The following IFIT1B variants were observed in gnomAD, a reference collection of about 807,000 sequenced individuals.
IFIT1B encodes the protein protein IFIT1 homolog B.
Under a neutral mutation model 2.5 loss-of-function variants are expected in IFIT1B, and 3 were observed. The ratio of observed to expected loss-of-function variants is 1.21; its 90% CI spans 0.55 to 3.14. The LOEUF is 3.14. Among genes scored for constraint, IFIT1B ranks in the 30% most tolerant of loss-of-function variants. The pLI is 0.03. For synonymous variants in IFIT1B, 196 were observed against 203.0 expected (o/e 0.97, Z 0.29); for missense variants, 545 against 556.5 (o/e 0.98, Z 0.21).
chr10:89,384,813 T>G lies in IFIT1B; in HGVS notation c.*75T>G. The G allele has an allele frequency of 7.7e-7, 1 of 1,306,960 alleles. No individual in the cohort carries two copies. The highest frequency in any genetic ancestry group is 1.4e-5 in the South Asian group (1 of 69,164). The allele number at this position is 1,306,960 out of a possible 1,614,324, so 81.0% of individuals were successfully genotyped here. On this transcript the variant is annotated 3_prime_UTR_variant, in exon 2 of 2. Coordinates refer to ENST00000371809, the MANE Select transcript of IFIT1B (RefSeq NM_001010987.2). ...ACTATGAAATTAAATAATGCAAACT[T>G]AAAGCTGTTGGAAATTTACCTTATT...
intron 1 of IFIT1B, among the ~76,000 whole-genome samples, chr10:89,380,697 T>C (rs1224841130): frequency 3.3e-5 from 5 of 152,144 alleles, no homozygotes; most frequent in Non-Finnish European, 5.9e-5. Context: ...ACTCTCAAAG[T>C]GTTGGGATTA....
intron 1 of IFIT1B, among the ~76,000 whole-genome samples, chr10:89,378,364 T>C (rs1282167554): frequency 6.6e-6 from 1 of 152,144 alleles, no homozygotes; most frequent in Non-Finnish European, 1.5e-5. Flanking sequence ...GAAATGGTGC[T>C]TGTTGGTTGC....
chr10:89,381,254 C>G (rs1844160712), intron 1 of IFIT1B, among the ~76,000 whole-genome samples: 1 of 152,176 alleles, frequency 6.6e-6, no homozygotes, highest in Admixed American at 6.5e-5. Context: ...CTCATCATAG[C>G]ACAAGCTCCA....
At chr10:89,381,753 C>T (rs1003560156) in intron 1 of IFIT1B, among the ~76,000 whole-genome samples, 1 of 151,918 alleles carries the variant, frequency 6.6e-6, no homozygotes, top group African/African-American at 2.4e-5. Context: ...TGAATCCTTT[C>T]CTTTCTTCCT....
chr10:89,379,637 T>C (rs535142014), intron 1 of IFIT1B, among the ~76,000 whole-genome samples: 1 of 152,234 alleles, frequency 6.6e-6, no homozygotes, highest in African/African-American at 2.4e-5. Context: ...CTAGCAAACA[T>C]GTAGACCTGT....
In IFIT1B at chr10:89,383,586, T is replaced by C; in HGVS notation, c.273T>C (p.Asp91=). The C allele has an allele frequency of 6.2e-7, 1 of 1,614,132 alleles. No individual in the cohort carries two copies. The highest frequency in any genetic ancestry group is 8.5e-7 in the Non-Finnish European group (1 of 1,180,024). ...LIQKEHANQA[D]IRSLVTWGNF... ...AGAAAGAACATGCCAACCAAGCAGA[T>C]ATTAGAAGTCTGGTGACCTGGGGCA... Residue 91 remains aspartate, a synonymous_variant, in exon 2 of 2, where the codon GAT becomes GAC. Coordinates refer to ENST00000371809, the MANE Select transcript of IFIT1B (RefSeq NM_001010987.2).
chr10:89,378,470 T>C (rs1844138489), intron 1 of IFIT1B, among the ~76,000 whole-genome samples: 1 of 152,076 alleles, frequency 6.6e-6, no homozygotes, highest in African/African-American at 2.4e-5. Flanking sequence ...CCAAGGAGAC[T>C]CTAAGCTATA....
Position 89,384,040 on chromosome 10 carries a change from GCT to G in IFIT1B, c.730_731del (p.Leu244AspfsTer25). ...EAEGEKYIEEALTSISSQAYV... is the reference protein window; with the variant it reads ...EAEGEKYIEEXLTSISSQAYV... ...TGAAGGAGAAAAGTACATTGAAGAA[GCT>G]CTGACCAGTATATCTTCACAGGCCT... On this transcript the variant is annotated frameshift_variant, in exon 2 of 2. Transcript: ENST00000371809. LOFTEE classifies it low-confidence loss of function (END_TRUNC). 1 of 1,614,176 alleles carries G rather than the reference GCT, an allele frequency of 6.2e-7. No individual in the cohort carries two copies. The highest frequency in any genetic ancestry group is 8.5e-7 in the Non-Finnish European group (1 of 1,180,038).
chr10:89,384,727 C>G lies in IFIT1B; in HGVS notation c.1414C>G (p.Pro472Ala), dbSNP rs779475435. 1.2e-6 allele frequency: 2 copies of G among 1,605,900 alleles called. No homozygotes were observed. The highest frequency in any genetic ancestry group is 2.2e-5 in the East Asian group (1 of 44,800). ...TCTGAGGCTGGCTGCTGACCTGAAC[C>G]CTATATTTTAACATAGAGGTCACCA... Reference protein sequence around the residue: ...RALRLAADLNPIF With the variant: ...RALRLAADLNAIF The change falls in exon 2 of 2, where the codon CCT (proline) becomes GCT (alanine). Residue 472 changes from proline (P) to alanine (A), a missense_variant. Physicochemically the swap from Pro to Ala is conservative, Grantham distance 27. Coordinates refer to ENST00000371809, the MANE Select transcript of IFIT1B (RefSeq NM_001010987.2).
intron 1 of IFIT1B, among the ~76,000 whole-genome samples, chr10:89,382,722 C>A (rs1844172785): frequency 6.6e-6 from 1 of 152,190 alleles, no homozygotes; most frequent in Non-Finnish European, 1.5e-5. Context: ...ACTTGGAACC[C>A]CTCCATTTAG....
chr10:89,383,125 T>C (rs764907356), intron 1 of IFIT1B, among the ~76,000 whole-genome samples, 194 bp from the exon 2 acceptor site: 3 of 152,218 alleles, frequency 2.0e-5, no homozygotes, highest in Non-Finnish European at 4.4e-5. Flanking sequence ...TACAAGATGA[T>C]TAGCATTTCC....
chr10:89,384,308 C>A lies in IFIT1B; in HGVS notation c.995C>A (p.Thr332Asn). 6.2e-7 allele frequency: 1 copy of A among 1,614,184 alleles called. No homozygotes were observed. The highest frequency in any genetic ancestry group is 8.5e-7 in the Non-Finnish European group (1 of 1,180,038). The change falls in exon 2 of 2, where the codon ACT (threonine) becomes AAT (asparagine). Residue 332 changes from threonine (T) to asparagine (N), a missense_variant. Coordinates refer to ENST00000371809, the MANE Select transcript of IFIT1B (RefSeq NM_001010987.2). ...TTGGCTATATGCAAATTTGAAAAGA[C>A]TATAATGTTAAAGCGAACATTTGAG... ...VQLAICKFEK[T>N]IMLKRTFEMA...
rs374200876 is a variant in IFIT1B, at chr10:89,384,106, G to A, written c.793G>A (p.Gly265Arg). ...TGCAGCCAAGTTTTATCGAAGAAAA[G>A]GGTCTGTGGATAAAGCTCTTGAGCT... ...QYAAKFYRRK[G>R]SVDKALELLK... Residue 265 changes from glycine to arginine, a missense_variant, in exon 2 of 2, where the codon GGG (glycine) becomes AGG (arginine). Physicochemically the swap from Gly to Arg is moderately radical, Grantham distance 125. Transcript: ENST00000371809. 1 of 1,614,168 alleles carries A rather than the reference G, an allele frequency of 6.2e-7. No individual in the cohort carries two copies. The highest frequency in any genetic ancestry group is 8.5e-7 in the Non-Finnish European group (1 of 1,180,030).
rs548077924 is a variant in IFIT1B at position 89,385,074 on chromosome 10, C to T, written c.*336C>T. On this transcript the variant is annotated 3_prime_UTR_variant, in exon 2 of 2. Transcript: ENST00000371809. ...ACCTTATGTGGAAAATGCTGCAACC[C>T]TGTTTACTGCCTATGTAAGTGAAAT... The T allele has an allele frequency of 3.0e-5, 6 of 199,896 alleles. No individual in the cohort carries two copies. In the South Asian group the frequency reaches 5.3e-4, roughly 18 times the overall value. 12.4% of individuals were successfully genotyped at this position (199,896 alleles called of 1,614,324 possible).
chr10:89,378,077 G>GA lies in IFIT1B; in HGVS notation c.-57dup. 1 of 1,597,326 alleles carries GA rather than the reference G, an allele frequency of 6.3e-7. No homozygotes were observed. The highest frequency in any genetic ancestry group is 1.1e-5 in the South Asian group (1 of 90,404). On this transcript the variant is annotated 5_prime_UTR_variant, in exon 1 of 2. An upstream open reading frame in the 5' UTR gains an earlier in-frame stop. Transcript: ENST00000371809. The stretch of plus-strand genomic sequence containing the variant: ...CCCTAGAACTCTGTGGATGAACCTT[G>GA]AAGGAGCCTCCAAGCCTGAACCAAA...
In IFIT1B at chr10:89,384,177, T is replaced by C; in HGVS notation, c.864T>C (p.His288=). 1 of 1,614,188 alleles carries C rather than the reference T, an allele frequency of 6.2e-7. No individual in the cohort carries two copies. Among genetic ancestry groups the C allele is most frequent in the East Asian group, 2.2e-5 (1 of 44,888 alleles). Residue 288 remains histidine (H), a synonymous_variant, in exon 2 of 2, where the codon CAT becomes CAC. Transcript: ENST00000371809. ...CAACACCCACTTCTGCCTTCCTGCA[T>C]CACCAAATGGGGCTTTGCTACAGGG... ...LETTPTSAFL[H]HQMGLCYRAQ...
chr10:89,378,107 T>A lies in IFIT1B; in HGVS notation c.-29T>A, dbSNP rs764439066. On this transcript the variant is annotated 5_prime_UTR_variant, in exon 1 of 2. Coordinates refer to ENST00000371809, the MANE Select transcript of IFIT1B (RefSeq NM_001010987.2). The stretch of plus-strand genomic sequence containing the variant: ...AGCCTCCAAGCCTGAACCAAAGCAC[T>A]ACAGATCACCTGCTATCTTCATAGC... 2.5e-6 allele frequency: 4 copies of A among 1,613,738 alleles called. No individual in the cohort carries two copies. Among genetic ancestry groups the A allele is most frequent in the Non-Finnish European group, 3.4e-6 (4 of 1,179,642 alleles).
intron 1 of IFIT1B, among the ~76,000 whole-genome samples, chr10:89,380,387 GC>G (rs1844154139): frequency 2.6e-5 from 4 of 151,954 alleles, no homozygotes; most frequent in Admixed American, 2.6e-4. Flanking sequence ...GTCCCTGTCT[GC>G]CACAGGCATA....
intron 1 of IFIT1B, among the ~76,000 whole-genome samples, chr10:89,380,000 A>T (rs1844150785): frequency 6.6e-6 from 1 of 150,748 alleles, no homozygotes; most frequent in South Asian, 2.1e-4. Context: ...GCACCACTGC[A>T]CTCCAGCCTG....
Sources: gnomAD v4.1 joint callset for allele counts (sites outside exome capture counted in the v4.1 genomes callset) on GRCh38, gnomAD v4.1.1 for gene constraint, MANE v1.5 for transcripts, NCBI Gene and HGNC (gene_info 2026-07-23, HGNC 2026-07-21) for gene names.